The following DLGAP2 variants were observed in gnomAD, a reference collection of about 807,000 sequenced individuals.
The protein encoded by DLGAP2 is DLG associated protein 2, also known as disks large-associated protein 2.
A neutral mutation model predicts 100.3 loss-of-function variants in DLGAP2; 26 were observed. The observed-to-expected ratio is 0.26, with a 90% confidence interval of 0.19 to 0.36. The LOEUF is 0.36. Ranked by LOEUF, DLGAP2 falls within the 10% of genes least tolerant of loss-of-function variation. The probability of loss-of-function intolerance (pLI) is 1.00; values close to 1 mark genes in which losing one functional copy is unlikely to be tolerated. For synonymous variants in DLGAP2, 886 were observed against 630.1 expected (o/e 1.41, Z -6.08); for missense variants, 1,858 against 1,453.2 (o/e 1.28, Z -4.53).
intron 4 of DLGAP2, among the ~76,000 whole-genome samples, chr8:1,520,483 T>G (rs1584980517): frequency 1.3e-5 from 2 of 152,106 alleles, no homozygotes; most frequent in Admixed American, 1.3e-4. Context: ...CTTGGCATGG[T>G]CCACCCTGTG....
At chr8:827,705 C>A (rs183013951) in intron 1 of DLGAP2, among the ~76,000 whole-genome samples, 38 of 152,300 alleles carry the variant, frequency 2.5e-4, no homozygotes, top group African/African-American at 9.1e-4. Context: ...ATGTAGAAAT[C>A]TAATTTATTT....
chr8:748,227 C>G (rs185857625), intron 1 of DLGAP2, among the ~76,000 whole-genome samples: 1 of 90,294 alleles, frequency 1.1e-5, no homozygotes, highest in South Asian at 3.9e-4. Context: ...AGCGGGTCTG[C>G]GGTGGGATGG....
At chr8:1,055,392 C>T (rs1782765640) in intron 2 of DLGAP2, among the ~76,000 whole-genome samples, 1 of 152,198 alleles carries the variant, frequency 6.6e-6, no homozygotes, top group African/African-American at 2.4e-5. Context: ...TAAGTCTCTT[C>T]TTCCTGCTCT....
chr8:1,418,548 C>A (rs1235010457), intron 3 of DLGAP2, among the ~76,000 whole-genome samples: 1 of 152,188 alleles, frequency 6.6e-6, no homozygotes, highest in Non-Finnish European at 1.5e-5. Flanking sequence ...CTTCACCTGG[C>A]TGCCAGTGCT....
chr8:1,457,320 GA>G (rs1798343483), intron 3 of DLGAP2, among the ~76,000 whole-genome samples: 1 of 152,148 alleles, frequency 6.6e-6, no homozygotes, highest in Non-Finnish European at 1.5e-5. Context: ...GTTGCAGAGA[GA>G]AAACAAACGT....
chr8:1,312,972 C>T (rs1800647332), intron 3 of DLGAP2, among the ~76,000 whole-genome samples: 2 of 152,196 alleles, frequency 1.3e-5, no homozygotes, highest in Non-Finnish European at 2.9e-5. Context: ...TAGTGTGTCT[C>T]ATTTAAAAGT....
chr8:893,805 C>T (rs1019916959), intron 1 of DLGAP2, among the ~76,000 whole-genome samples: 1 of 152,240 alleles, frequency 6.6e-6, no homozygotes, highest in Non-Finnish European at 1.5e-5. Context: ...CAAGGTGTGT[C>T]CTGACAGAAC....
In DLGAP2 at chr8:1,614,191, C is replaced by T. The variant is rs117137731; in HGVS notation, c.1443-12549C>T. ...GGATCCTTCACAAACCCCACCAGCA[C>T]CTTCAGCAGATGGAGAAATCAACTC... On this transcript the variant is annotated intron_variant, in intron 6 of 14. Transcript: ENST00000637795. 2.5e-3 allele frequency among the ~76,000 whole-genome samples: 378 copies of T among 152,246 alleles called. 13 individuals carry two copies. In the East Asian group the frequency reaches 0.061, roughly 24 times the overall value.
intron 4 of DLGAP2, among the ~76,000 whole-genome samples, chr8:1,503,915 C>G (rs779497658): frequency 6.6e-6 from 1 of 152,142 alleles, no homozygotes; most frequent in Admixed American, 6.5e-5. Context: ...GAGGGAGGAA[C>G]TGCTGTAGCC....
chr8:1,364,913 CT>C (rs1056841569), intron 3 of DLGAP2, among the ~76,000 whole-genome samples: 1 of 152,154 alleles, frequency 6.6e-6, no homozygotes, highest in African/African-American at 2.4e-5. Flanking sequence ...AGTTTTAAAA[CT>C]TGGAACAGCA....
At chr8:1,025,672 C>G (rs1801777264) in intron 2 of DLGAP2, among the ~76,000 whole-genome samples, 1 of 152,236 alleles carries the variant, frequency 6.6e-6, no homozygotes, top group African/African-American at 2.4e-5. Flanking sequence ...TAGAGCCATG[C>G]CTGGCTCTGA....
chr8:1,693,904 T>C (rs1040456163), intron 13 of DLGAP2, among the ~76,000 whole-genome samples: 3 of 152,200 alleles, frequency 2.0e-5, no homozygotes, highest in Non-Finnish European at 4.4e-5. Context: ...TCTATTTGAT[T>C]ATTACCTTTA....
chr8:1,261,025 G>T (rs1219912792), intron 3 of DLGAP2, among the ~76,000 whole-genome samples: 3 of 152,210 alleles, frequency 2.0e-5, no homozygotes, highest in Non-Finnish European at 4.4e-5. Flanking sequence ...GCGTGAGGAG[G>T]GGAGGAAACG....
At chr8:1,112,300 G>A (rs1161391589) in intron 2 of DLGAP2, among the ~76,000 whole-genome samples, 1 of 142,346 alleles carries the variant, frequency 7.0e-6, no homozygotes, top group East Asian at 2.0e-4. Flanking sequence ...AAGTGCAGTG[G>A]TGTGATCTTG....
At chr8:1,462,497 G>A (rs1798487275) in intron 3 of DLGAP2, among the ~76,000 whole-genome samples, 1 of 109,058 alleles carries the variant, frequency 9.2e-6, no homozygotes, top group African/African-American at 3.2e-5. Flanking sequence ...AGAAGGTGCT[G>A]CTGTCACGTG....
chr8:1,684,045 G>A lies in DLGAP2; in HGVS notation c.2704+5416G>A, dbSNP rs139969700. 1.1e-3 allele frequency among the ~76,000 whole-genome samples: 167 copies of A among 145,382 alleles called. 1 individual carries two copies. Among genetic ancestry groups the A allele is most frequent in the African/African-American group, 3.6e-3 (138 of 38,730 alleles). On this transcript the variant is annotated intron_variant, in intron 12 of 14. Transcript: ENST00000637795. The stretch of plus-strand genomic sequence containing the variant: ...CACCAAGGCTGGAGCGCAGTGGCGC[G>A]ATCTCAGCTCACTGCAACCTCTGCC...
At chr8:1,125,294 C>A (rs895232225) in intron 2 of DLGAP2, among the ~76,000 whole-genome samples, 3 of 152,128 alleles carry the variant, frequency 2.0e-5, no homozygotes, top group Non-Finnish European at 4.4e-5. Flanking sequence ...GCCTCCAGAA[C>A]GTTATGGTTA....
intron 1 of DLGAP2, among the ~76,000 whole-genome samples, chr8:788,165 G>C (rs1821925948): frequency 6.6e-6 from 1 of 152,254 alleles, no homozygotes; most frequent in South Asian, 2.1e-4. Context: ...GAAGATGGGT[G>C]AAGGATGAAG....
chr8:1,677,811 G>A lies in DLGAP2; in HGVS notation c.2289-403G>A, dbSNP rs116558766. On this transcript the variant is annotated intron_variant, in intron 11 of 14. Coordinates refer to ENST00000637795, the MANE Select transcript of DLGAP2 (RefSeq NM_001346810.2). ...TCAGGCCCTGAAACACAATTTGGAA[G>A]CCACTACAACTCAGTATGATGTTAC... Among the ~76,000 whole-genome samples the A allele has an allele frequency of 4.3e-3, 653 of 152,314 alleles. 10 individuals carry two copies. Among genetic ancestry groups the A allele is most frequent in the African/African-American group, 0.015 (613 of 41,578 alleles).
Sources: gnomAD v4.1 joint callset for allele counts (sites outside exome capture counted in the v4.1 genomes callset) on GRCh38, gnomAD v4.1.1 for gene constraint, MANE v1.5 for transcripts, NCBI Gene and HGNC (gene_info 2026-07-23, HGNC 2026-07-21) for gene names.